GPC5: variants seen among roughly 807,000 people sequenced by gnomAD.
GPC5 encodes glypican-5.
GPC5 carries 47 observed loss-of-function variants against 53.9 expected under a neutral mutation model. The observed-to-expected ratio is 0.87, with a 90% CI of 0.69 to 1.11. The LOEUF (loss-of-function observed/expected upper bound fraction) is 1.11, where lower values mean the gene tolerates loss of function less well. Ranked by LOEUF, GPC5 falls within the 50% of genes most tolerant of loss-of-function variation. The pLI is 0.00. For synonymous variants in GPC5, 286 were observed against 263.3 expected (o/e 1.09, Z -0.84); for missense variants, 748 against 713.1 (o/e 1.05, Z -0.56).
At chr13:92,215,529 C>T (rs2042403555) in intron 7 of GPC5, among the ~76,000 whole-genome samples, 1 of 152,178 alleles carries the variant, frequency 6.6e-6, no homozygotes, top group African/African-American at 2.4e-5. Context: ...TGATTATGAA[C>T]TGGTGACTCT....
intron 2 of GPC5, among the ~76,000 whole-genome samples, chr13:91,656,401 T>C (rs1374396186): frequency 5.9e-5 from 9 of 152,180 alleles, no homozygotes; most frequent in Admixed American, 5.9e-4. Flanking sequence ...TGCAGAGGTA[T>C]AGATCTGGGA....
Position 92,277,121 on chromosome 13 carries a change from CATT to C in GPC5, c.1561+132146_1561+132148del, listed in dbSNP as rs1232766202. On this transcript the variant is annotated intron_variant, in intron 7 of 7. Transcript: ENST00000377067. ...ATACAAATTTTGCCTTATTTCTTAC[CATT>C]ATTATTATTATTAAGTAATATAACA... Among the ~76,000 whole-genome samples the C allele has an allele frequency of 2.6e-5, 4 of 151,656 alleles. 1 individual carries two copies. Among genetic ancestry groups the C allele is most frequent in the East Asian group, 1.9e-4 (1 of 5,164 alleles).
intron 7 of GPC5, among the ~76,000 whole-genome samples, chr13:92,493,788 CAA>C: frequency 6.6e-6 from 1 of 152,168 alleles, no homozygotes; most frequent in Non-Finnish European, 1.5e-5. Flanking sequence ...AGCAATTCGA[CAA>C]GTCACTTCCG....
At chr13:92,230,961 A>G (rs956528865) in intron 7 of GPC5, among the ~76,000 whole-genome samples, 2 of 152,216 alleles carry the variant, frequency 1.3e-5, no homozygotes, top group African/African-American at 4.8e-5. Flanking sequence ...CTTAGAAAAT[A>G]CAGGATAAAT....
At chr13:91,648,058 TACTC>T (rs1362578490) in intron 2 of GPC5, among the ~76,000 whole-genome samples, 8 of 152,216 alleles carry the variant, frequency 5.3e-5, no homozygotes, top group African/African-American at 1.2e-4. Context: ...TTTAAATTGT[TACTC>T]ACTCAGTGGT....
Position 92,379,617 on chromosome 13 carries a change from A to G in GPC5, c.1561+234628A>G, listed in dbSNP as rs146805465. Among the ~76,000 whole-genome samples the G allele has an allele frequency of 4.7e-5, 7 of 148,758 alleles. 1 individual carries two copies. Among genetic ancestry groups the G allele is most frequent in the Non-Finnish European group, 1.0e-4 (7 of 67,398 alleles). On this transcript the variant is annotated intron_variant, in intron 7 of 7. Coordinates refer to ENST00000377067, the MANE Select transcript of GPC5 (RefSeq NM_004466.6). ...ATTAGTTCCTCTCTCTGTCCTCTGC[A>G]TATTAGTTCCTCTCTGTGTCCTCTG...
At chr13:92,221,481 T>G (rs2042448020) in intron 7 of GPC5, among the ~76,000 whole-genome samples, 1 of 152,088 alleles carries the variant, frequency 6.6e-6, no homozygotes, top group Non-Finnish European at 1.5e-5. Context: ...ATTGTAGAGA[T>G]GAAAGTCAGT....
intron 3 of GPC5, among the ~76,000 whole-genome samples, chr13:91,726,668 A>G (rs2036581638): frequency 1.3e-5 from 2 of 150,492 alleles, no homozygotes; most frequent in African/African-American, 2.4e-5. Flanking sequence ...TTCTGAGAAA[A>G]CTCTCTATCA....
chr13:91,448,703 A>G (rs527318537), intron 1 of GPC5, 58 bp from the exon 2 acceptor site: 66 of 1,555,478 alleles, frequency 4.2e-5, no homozygotes, highest in Non-Finnish European at 5.6e-5. Flanking sequence ...CTGATATATA[A>G]TATGTAATAC....
chr13:91,984,803 A>C (rs2138723120), intron 6 of GPC5, among the ~76,000 whole-genome samples: 1 of 152,306 alleles, frequency 6.6e-6, no homozygotes, highest in East Asian at 1.9e-4. Flanking sequence ...TCTTGGCAGT[A>C]CTGACTTCAG....
In GPC5 at chr13:92,785,191, G is replaced by A. The variant is rs746322596; in HGVS notation, c.1562-81091G>A. 1.3e-5 allele frequency among the ~76,000 whole-genome samples: 2 copies of A among 152,092 alleles called. 1 individual carries two copies. Among genetic ancestry groups the A allele is most frequent in the South Asian group, 4.2e-4 (2 of 4,816 alleles). Reference sequence around the variant, plus strand: ...CTCGGGAGGCTGAGGCACGAGAATCGCTTGAACCCGGGAGGCAGAGGTTGC... The same window carrying A: ...CTCGGGAGGCTGAGGCACGAGAATCACTTGAACCCGGGAGGCAGAGGTTGC... On this transcript the variant is annotated intron_variant, in intron 7 of 7. Coordinates refer to ENST00000377067, the MANE Select transcript of GPC5 (RefSeq NM_004466.6).
intron 7 of GPC5, among the ~76,000 whole-genome samples, chr13:92,178,168 A>G (rs1026504004): frequency 8.5e-5 from 13 of 152,196 alleles, no homozygotes; most frequent in African/African-American, 3.1e-4. Context: ...CAATTGCTTC[A>G]GTGAGCCTAG....
At chr13:91,919,566 A>T (rs969197316) in intron 6 of GPC5, among the ~76,000 whole-genome samples, 1 of 152,190 alleles carries the variant, frequency 6.6e-6, no homozygotes, top group Non-Finnish European at 1.5e-5. Context: ...TTACAATTCA[A>T]TTATATTCAC....
At chr13:92,024,118 T>A (rs1394276260) in intron 6 of GPC5, among the ~76,000 whole-genome samples, 3 of 152,186 alleles carry the variant, frequency 2.0e-5, no homozygotes, top group African/African-American at 4.8e-5. Flanking sequence ...TTATGGTGCC[T>A]AATATATTAA....
intron 5 of GPC5, among the ~76,000 whole-genome samples, chr13:91,845,694 G>A (rs1261606914): frequency 6.6e-6 from 1 of 152,130 alleles, no homozygotes; most frequent in African/African-American, 2.4e-5. Context: ...TCCCTCAACA[G>A]TACCAAGCAG....
chr13:92,531,355 T>C (rs1212712027), intron 7 of GPC5, among the ~76,000 whole-genome samples: 1 of 151,996 alleles, frequency 6.6e-6, no homozygotes, highest in Non-Finnish European at 1.5e-5. Flanking sequence ...ATACTACTTT[T>C]ACTGGATTGC....
intron 7 of GPC5, among the ~76,000 whole-genome samples, chr13:92,717,344 A>T (rs1047407224): frequency 6.6e-6 from 1 of 152,110 alleles, no homozygotes; most frequent in African/African-American, 2.4e-5. Flanking sequence ...TAGCAAGTCT[A>T]CACCTCTGCC....
chr13:91,623,200 T>C (rs1487447245), intron 2 of GPC5, among the ~76,000 whole-genome samples: 7 of 152,138 alleles, frequency 4.6e-5, no homozygotes, highest in Admixed American at 4.6e-4. Context: ...AATTATAGGA[T>C]GTCAAAGGAA....
At chr13:92,489,641 C>G (rs1316054171) in intron 7 of GPC5, among the ~76,000 whole-genome samples, 1 of 152,098 alleles carries the variant, frequency 6.6e-6, no homozygotes, top group Non-Finnish European at 1.5e-5. Context: ...TGCCATTAAG[C>G]TTGCCATTAC....
Sources: gnomAD v4.1 joint callset for allele counts (sites outside exome capture counted in the v4.1 genomes callset) on GRCh38, gnomAD v4.1.1 for gene constraint, MANE v1.5 for transcripts, NCBI Gene and HGNC (gene_info 2026-07-23, HGNC 2026-07-21) for gene names.